The following TSPAN8 variants were observed in gnomAD, a reference collection of about 807,000 sequenced individuals.
The protein encoded by TSPAN8 is tetraspanin-8.
A neutral mutation model predicts 32.8 loss-of-function variants in TSPAN8; 21 were observed. The ratio of observed to expected loss-of-function variants is 0.64; its 90% confidence interval spans 0.45 to 0.92. TSPAN8 has a LOEUF of 0.92. Among genes scored for constraint, TSPAN8 ranks in the 40% least tolerant of loss-of-function variants. The pLI is 0.00. For missense variants in TSPAN8, 269 were observed against 281.9 expected, an observed-to-expected ratio of 0.95 and a Z score of 0.33; for synonymous variants, 95 against 94.6, an observed-to-expected ratio of 1.00 and a Z score of -0.03.
At chr12:71,129,261 A>C in intron 8 of TSPAN8, 70 bp downstream of exon 8, 1 of 1,390,126 alleles carries the variant, frequency 7.2e-7, no homozygotes, top group Non-Finnish European at 9.6e-7. Context: ...TTTGTTCACC[A>C]TCAATATTTC....
At chr12:71,136,557 G>A (rs1592402433) in intron 6 of TSPAN8, among the ~76,000 whole-genome samples, 1 of 152,154 alleles carries the variant, frequency 6.6e-6, no homozygotes, top group East Asian at 1.9e-4. Context: ...AGGCAGGAAG[G>A]CAGTTGTTCA....
intron 8 of TSPAN8, among the ~76,000 whole-genome samples, chr12:71,127,760 C>A (rs1871391594): frequency 1.3e-5 from 2 of 152,156 alleles, no homozygotes; most frequent in African/African-American, 4.8e-5. Context: ...GACTATGACA[C>A]AAAGGATTTC....
chr12:71,144,689 A>G (rs747579071), intron 2 of TSPAN8, among the ~76,000 whole-genome samples: 4 of 152,152 alleles, frequency 2.6e-5, no homozygotes, highest in Non-Finnish European at 5.9e-5. Flanking sequence ...ATAGAGGGGG[A>G]AAAAGTAAAA....
intron 6 of TSPAN8, among the ~76,000 whole-genome samples, chr12:71,137,515 A>G (rs565682247): frequency 1.1e-3 from 172 of 152,040 alleles, no homozygotes; most frequent in Non-Finnish European, 2.2e-3. Flanking sequence ...CAGGAGAATC[A>G]GTTGAACCCG....
Position 71,152,506 on chromosome 12 carries a change from C to T in TSPAN8, c.60+5113G>A, listed in dbSNP as rs142189611. 9.9e-4 allele frequency among the ~76,000 whole-genome samples: 150 copies of T among 152,202 alleles called. 1 individual carries two copies. Among genetic ancestry groups the T allele is most frequent in the East Asian group, 4.6e-3 (24 of 5,172 alleles). On this transcript the variant is annotated intron_variant, in intron 2 of 8. Coordinates refer to ENST00000247829, the MANE Select transcript of TSPAN8 (RefSeq NM_004616.3). ...TATATATTAACTTATTTAATCATCA[C>T]CACAAACCCATGAGGTAGATACTAC... is the stretch of plus-strand genomic sequence containing the variant.
chr12:71,134,227 C>T (rs1485508628), intron 6 of TSPAN8, among the ~76,000 whole-genome samples: 1 of 152,100 alleles, frequency 6.6e-6, no homozygotes, highest in Admixed American at 6.5e-5. Context: ...CTCAATAATG[C>T]ATTTGCTTTT....
chr12:71,154,928 C>T (rs1258664657), intron 2 of TSPAN8, among the ~76,000 whole-genome samples: 1 of 152,148 alleles, frequency 6.6e-6, no homozygotes, highest in African/African-American at 2.4e-5. Context: ...GAAGAAGCTC[C>T]TGATGGCCAG....
intron 7 of TSPAN8, 30 bp from the exon 8 acceptor site, chr12:71,129,444 C>G: frequency 6.5e-7 from 1 of 1,534,376 alleles, no homozygotes; most frequent in Non-Finnish European, 8.7e-7. Flanking sequence ...TTAAAAGTTA[C>G]CTCTCAGAAA....
At position 71,146,042 on chromosome 12, in the gene TSPAN8, T is replaced by C. The variant is rs1466550472; in HGVS notation, c.61-1829A>G. Among the ~76,000 whole-genome samples the C allele has an allele frequency of 8.5e-5, 13 of 152,286 alleles. 2 individuals carry two copies. The South Asian group carries it at 2.5e-3, about 29-fold the overall frequency. ...GATATCAGATCATTCATAAATCTTA[T>C]TAAATCAATCATATCTGCCCCTCAG... On this transcript the variant is annotated intron_variant, in intron 2 of 8. Coordinates refer to ENST00000247829, the MANE Select transcript of TSPAN8 (RefSeq NM_004616.3).
At chr12:71,143,864 C>T (rs1348051842) in intron 3 of TSPAN8, among the ~76,000 whole-genome samples, 1 of 152,022 alleles carries the variant, frequency 6.6e-6, no homozygotes. Flanking sequence ...AGGAAAATTT[C>T]CACTTTGGCC....
chr12:71,149,047 A>G (rs1872160833), intron 2 of TSPAN8, among the ~76,000 whole-genome samples: 2 of 152,134 alleles, frequency 1.3e-5, no homozygotes, highest in Non-Finnish European at 2.9e-5. Flanking sequence ...GTTCAACAGT[A>G]TTTTTTATTA....
chr12:71,134,358 C>A (rs886731505), intron 6 of TSPAN8, among the ~76,000 whole-genome samples: 1 of 152,158 alleles, frequency 6.6e-6, no homozygotes, highest in Non-Finnish European at 1.5e-5. Context: ...CTTTCCAATT[C>A]TGTAGTTTCT....
chr12:71,129,070 A>T (rs996609210), intron 8 of TSPAN8, among the ~76,000 whole-genome samples: 1 of 152,144 alleles, frequency 6.6e-6, no homozygotes, highest in East Asian at 1.9e-4. Flanking sequence ...AATTAATTCT[A>T]TCTTTTTCCC....
chr12:71,156,462 T>TAA (rs1448372232), intron 2 of TSPAN8, among the ~76,000 whole-genome samples: 1 of 111,802 alleles, frequency 8.9e-6, no homozygotes, highest in East Asian at 4.1e-4. Flanking sequence ...TTTTTTAACC[T>TAA]AAAAACAGCA....
At chr12:71,132,870 A>T (rs763662189) in intron 6 of TSPAN8, 46 bp from the exon 7 acceptor site, 9 of 1,605,260 alleles carry the variant, frequency 5.6e-6, no homozygotes, top group Non-Finnish European at 6.8e-6. Context: ...AAGAAGATTA[A>T]AAACATTGGC....
At position 71,139,773 on chromosome 12, in the gene TSPAN8, T is replaced by C. The variant is rs1445070282; in HGVS notation, c.199A>G (p.Met67Val). The C allele has an allele frequency of 1.9e-6, 3 of 1,613,950 alleles. No homozygotes were observed. The highest frequency in any genetic ancestry group is 2.7e-5 in the African/African-American group (2 of 74,920). The change falls in exon 4 of 9, where the codon ATG becomes GTG. Residue 67 changes from methionine to valine, a missense_variant. By Grantham distance (21) the Met-to-Val change is conservative (BLOSUM62 1). Transcript: ENST00000247829. ...DILIAVGAII[M>V]ILGFLGCCGA... ...CAGCATCCCAGGAAGCCCAGAATCA[T>C]GATGATGGCACCTACAGCAATCAAT...
intron 3 of TSPAN8, among the ~76,000 whole-genome samples, chr12:71,140,181 C>T (rs1871857282): frequency 6.6e-6 from 1 of 152,064 alleles, no homozygotes; most frequent in Non-Finnish European, 1.5e-5. Flanking sequence ...ATATAAAGTG[C>T]ATTATAAAAG....
chr12:71,135,918 C>T (rs77157891), intron 6 of TSPAN8, among the ~76,000 whole-genome samples: 3,312 of 152,044 alleles, frequency 0.022, 51 homozygotes, highest in Non-Finnish European at 0.036. Flanking sequence ...AGAATGATCC[C>T]GGAAAGAAGA....
At chr12:71,156,593 A>G (rs1367410956) in intron 2 of TSPAN8, among the ~76,000 whole-genome samples, 1 of 152,204 alleles carries the variant, frequency 6.6e-6, no homozygotes, top group East Asian at 1.9e-4. Context: ...AAATCAGTCT[A>G]TACAATAAAG....
Sources: gnomAD v4.1 joint callset for allele counts (sites outside exome capture counted in the v4.1 genomes callset) on GRCh38, gnomAD v4.1.1 for gene constraint, MANE v1.5 for transcripts, NCBI Gene and HGNC (gene_info 2026-07-23, HGNC 2026-07-21) for gene names.